The following TRMT11 variants were observed in gnomAD, a reference collection of about 807,000 sequenced individuals.
TRMT11 encodes tRNA methyltransferase 11, also known as tRNA (guanine(10)-N(2))-methyltransferase TRMT11.
TRMT11 carries 53 observed loss-of-function variants against 62.8 expected under a neutral mutation model. The ratio of observed to expected loss-of-function variants is 0.84; its 90% confidence interval spans 0.68 to 1.06. TRMT11 has a LOEUF of 1.06. TRMT11 is among the 50% of genes least tolerant of loss of function. The pLI is 0.00. For synonymous variants in TRMT11, 188 were observed against 190.3 expected (o/e 0.99, Z 0.10); for missense variants, 556 against 553.4 (o/e 1.00, Z -0.05).
intron 3 of TRMT11, among the ~76,000 whole-genome samples, chr6:125,997,377 T>C (rs1231442680): frequency 6.6e-6 from 1 of 152,236 alleles, no homozygotes; most frequent in Non-Finnish European, 1.5e-5. Flanking sequence ...GAAAGTTAAT[T>C]TATTATTAAC....
chr6:126,163,820 T>C (rs1165490326), intron 21 of TRMT11, among the ~76,000 whole-genome samples: 2 of 152,168 alleles, frequency 1.3e-5, no homozygotes, highest in Non-Finnish European at 2.9e-5. Flanking sequence ...AGTGGTGATA[T>C]TCCCTTTATC....
chr6:126,227,047 G>A, the TRMT11 span, among the ~76,000 whole-genome samples: 1 of 152,210 alleles, frequency 6.6e-6, no homozygotes, highest in Non-Finnish European at 1.5e-5. Context: ...TCCCAGCCAT[G>A]TGGAAATGCA....
chr6:126,054,746 C>T (rs1478454751), intron 17 of TRMT11, among the ~76,000 whole-genome samples: 2 of 152,180 alleles, frequency 1.3e-5, no homozygotes, highest in African/African-American at 2.4e-5. Context: ...TTTTACTGAT[C>T]AACCTCAAGG....
At chr6:126,037,250 GTACTCTTAAGTAAT>G (rs1775365522) in intron 12 of TRMT11, among the ~76,000 whole-genome samples, 1 of 151,906 alleles carries the variant, frequency 6.6e-6, no homozygotes, top group South Asian at 2.1e-4. Context: ...TCTTGGACCT[GTACTCTTAAGTAAT>G]TCCTCATCTG....
upstream of TRMT11, among the ~76,000 whole-genome samples, chr6:126,174,020 G>T (rs1209931357): frequency 6.6e-6 from 1 of 152,156 alleles, no homozygotes; most frequent in African/African-American, 2.4e-5. Flanking sequence ...TGTGTTCCTA[G>T]GAGCTTGCTG....
At chr6:125,993,014 A>C (rs1023473927) in intron 1 of TRMT11, among the ~76,000 whole-genome samples, 10 of 152,246 alleles carry the variant, frequency 6.6e-5, no homozygotes, top group African/African-American at 2.4e-4. Flanking sequence ...TTGGTGTTAA[A>C]GGCTCTTCCT....
At chr6:126,271,200 C>A in the TRMT11 span, among the ~76,000 whole-genome samples, 601 of 151,584 alleles carry the variant, frequency 4.0e-3, 8 homozygotes, top group African/African-American at 0.013. Flanking sequence ...CCGATCTCTA[C>A]TAAAAATACA....
intron 7 of TRMT11, among the ~76,000 whole-genome samples, chr6:126,002,890 ACTTT>A (rs1792749402): frequency 1.3e-5 from 2 of 151,990 alleles, no homozygotes; most frequent in Admixed American, 1.3e-4. Context: ...TATTTTCGCT[ACTTT>A]CTTACACAAA....
At chr6:126,212,282 T>C in the TRMT11 span, among the ~76,000 whole-genome samples, 1 of 152,190 alleles carries the variant, frequency 6.6e-6, no homozygotes, top group African/African-American at 2.4e-5. Flanking sequence ...TTTGGGTATA[T>C]ACCTAGCAGT....
intron 3 of TRMT11, 30 bp from the exon 4 acceptor site, chr6:125,998,023 T>C (rs1791857807): frequency 2.0e-6 from 3 of 1,470,120 alleles, no homozygotes; most frequent in Non-Finnish European, 2.9e-6. Context: ...AGTTCTTTAC[T>C]GAGGTTAGTA....
the TRMT11 span, among the ~76,000 whole-genome samples, chr6:126,240,613 G>T: frequency 1.3e-5 from 2 of 152,176 alleles, no homozygotes; most frequent in African/African-American, 4.8e-5. Context: ...GTGTCAGTCT[G>T]CCCCTACTGG....
intron 17 of TRMT11, among the ~76,000 whole-genome samples, chr6:126,068,711 T>G (rs527716832): frequency 8.5e-5 from 13 of 152,242 alleles, no homozygotes; most frequent in Non-Finnish European, 1.9e-4. Context: ...TCCTTTTCAT[T>G]CAAGAGCGTA....
chr6:126,230,924 T>C, the TRMT11 span, among the ~76,000 whole-genome samples: 1 of 152,170 alleles, frequency 6.6e-6, no homozygotes, highest in African/African-American at 2.4e-5. Context: ...CATTGTGAGA[T>C]TCATTGATAA....
chr6:125,998,949 G>A (rs1334846205), intron 6 of TRMT11, among the ~76,000 whole-genome samples: 1 of 138,578 alleles, frequency 7.2e-6, no homozygotes, highest in African/African-American at 2.6e-5. Flanking sequence ...CATCTGGACT[G>A]TTTTTTTTTT....
chr6:126,025,387 C>T (rs1772862835), intron 12 of TRMT11, among the ~76,000 whole-genome samples: 1 of 151,970 alleles, frequency 6.6e-6, no homozygotes, highest in Admixed American at 6.6e-5. Flanking sequence ...TCATTTTTGT[C>T]AGGTTTACTT....
Position 126,102,089 on chromosome 6 carries a change from A to G in TRMT11, c.*1438-10777A>G, listed in dbSNP as rs572493189. On this transcript the variant is annotated intron_variant and NMD_transcript_variant, in intron 17 of 22. Transcript: ENST00000648977. ...AAGAGAGGGGATGGGTGCTCTCTCC[A>G]TGGAGGCAGTGCAGCTTGCAAACAT... 2.1e-4 allele frequency among the ~76,000 whole-genome samples: 32 copies of G among 152,304 alleles called. No individual in the cohort carries two copies. In the South Asian group the frequency reaches 6.0e-3, roughly 29 times the overall value.
intron 11 of TRMT11, among the ~76,000 whole-genome samples, chr6:126,014,103 T>A (rs1391516421): frequency 6.6e-6 from 1 of 152,196 alleles, no homozygotes; most frequent in Non-Finnish European, 1.5e-5. Flanking sequence ...GCTATATATA[T>A]TAACAGTAAA....
intron 1 of TRMT11, among the ~76,000 whole-genome samples, chr6:125,989,683 A>G (rs914484205): frequency 6.6e-6 from 1 of 152,104 alleles, no homozygotes; most frequent in African/African-American, 2.4e-5. Context: ...TTCCGTCGTA[A>G]ATTCTTCTTA....
At chr6:126,140,508 C>A (rs1777905483) in intron 21 of TRMT11, among the ~76,000 whole-genome samples, 1 of 151,972 alleles carries the variant, frequency 6.6e-6, no homozygotes, top group Admixed American at 6.6e-5. Context: ...GGTGCCATTT[C>A]AAGTATAGTC....
Sources: allele counts gnomAD v4.1 joint callset (sites outside exome capture counted in the v4.1 genomes callset), GRCh38; gene constraint gnomAD v4.1.1; transcripts MANE v1.5; gene names NCBI Gene and HGNC (gene_info 2026-07-23, HGNC 2026-07-21).